The following GRK5 variants were observed in gnomAD, a reference collection of about 807,000 sequenced individuals.
GRK5 encodes the protein G protein-coupled receptor kinase 5.
In GRK5, 40 loss-of-function variants were observed where a neutral mutation model predicts 78.4. The observed-to-expected ratio is 0.51, with a 90% confidence interval of 0.40 to 0.66. The LOEUF (loss-of-function observed/expected upper bound fraction) is 0.66. Ranked by LOEUF, GRK5 falls within the 30% of genes least tolerant of loss-of-function variation. GRK5 has a pLI of 0.00. For missense variants in GRK5, 598 were observed against 759.9 expected, an observed-to-expected ratio of 0.79 and a Z score of 2.50; for synonymous variants, 289 against 296.8, an observed-to-expected ratio of 0.97 and a Z score of 0.27.
rs869142758 is a variant in GRK5 at position 119,420,349 on chromosome 10, C to CA, written c.340-2814dup. 8.2e-4 allele frequency among the ~76,000 whole-genome samples: 42 copies of CA among 51,060 alleles called. 1 individual carries two copies. In the South Asian group the frequency reaches 0.026, roughly 31 times the overall value. The allele number at this position is 51,060 out of a possible 152,430, so 33.5% of individuals were successfully genotyped here. On this transcript the variant is annotated intron_variant, in intron 4 of 15. Coordinates refer to ENST00000392870, the MANE Select transcript of GRK5 (RefSeq NM_005308.3). ...AAAGTTTGCTACTAAAACAAACAAA[C>CA]AAACAAAAAAAAAAAACAAGAAGAA...
chr10:119,388,481 T>A (rs7895478), intron 3 of GRK5, among the ~76,000 whole-genome samples: 2,546 of 152,184 alleles, frequency 0.017, 32 homozygotes, highest in Middle Eastern at 0.031. Context: ...GGATTACAGG[T>A]GTGCGCCACT....
At chr10:119,353,515 G>C (rs867604700) in intron 2 of GRK5, among the ~76,000 whole-genome samples, 10 of 152,192 alleles carry the variant, frequency 6.6e-5, no homozygotes, top group Middle Eastern at 3.2e-3. Context: ...TAGACATTCT[G>C]TTCTTGAAAT....
In GRK5 at chr10:119,430,505, A is replaced by C. The variant is rs1852793846; in HGVS notation, c.597+67A>C. The C allele has an allele frequency of 1.4e-6, 2 of 1,476,944 alleles. 1 individual carries two copies. Among genetic ancestry groups the C allele is most frequent in the South Asian group, 2.3e-5 (2 of 86,276 alleles). 91.5% of individuals were successfully genotyped at this position (1,476,944 alleles called of 1,614,324 possible). ...CAAGTCACCTTTCCTGTCCCTTCTA[A>C]ATCAACCTAAAGGGTTGGCCCACGG... On this transcript the variant is annotated intron_variant, in intron 7 of 15. Coordinates refer to ENST00000392870, the MANE Select transcript of GRK5 (RefSeq NM_005308.3). This position sits in a 1 kb window ranked among gnomAD's most constrained non-coding sequence, Gnocchi z 4.5.
chr10:119,368,585 T>C (rs1851490737), intron 2 of GRK5, among the ~76,000 whole-genome samples: 1 of 152,130 alleles, frequency 6.6e-6, no homozygotes, highest in South Asian at 2.1e-4. Flanking sequence ...GAAACCAAGG[T>C]CCAGAGAGAA....
chr10:119,216,171 C>A (rs754126428), intron 1 of GRK5, among the ~76,000 whole-genome samples: 4 of 152,230 alleles, frequency 2.6e-5, no homozygotes, highest in Non-Finnish European at 2.9e-5. Context: ...GTCTATCTGA[C>A]GTACCAGAGT....
At chr10:119,389,801 AACACACACACAC>A (rs66652162) in intron 3 of GRK5, among the ~76,000 whole-genome samples, 80,846 of 149,662 alleles carry the variant, frequency 0.54, 22,833 homozygotes, top group Middle Eastern at 0.76. Flanking sequence ...GATCATGAGC[AACACACACACAC>A]ACACACACAC....
At chr10:119,250,035 G>C (rs1337488607) in intron 1 of GRK5, among the ~76,000 whole-genome samples, 3 of 152,170 alleles carry the variant, frequency 2.0e-5, no homozygotes, top group Non-Finnish European at 1.5e-5. Flanking sequence ...CTAGGGCTTA[G>C]AAAAGAACAC....
intron 1 of GRK5, among the ~76,000 whole-genome samples, chr10:119,315,814 G>A (rs908237420): frequency 1.3e-5 from 2 of 152,186 alleles, no homozygotes; most frequent in Admixed American, 6.5e-5. Flanking sequence ...CGACACCTGA[G>A]ACCCTCCCAG....
Position 119,320,242 on chromosome 10 carries a change from A to G in GRK5, c.53-6274A>G, listed in dbSNP as rs532639324. On this transcript the variant is annotated intron_variant, in intron 1 of 15. Coordinates refer to ENST00000392870, the MANE Select transcript of GRK5 (RefSeq NM_005308.3). ...CTCAGCAGATACTGTTTGGGCTTCT[A>G]CAGTGGACCAAGAAGAAGGTGACAG... Among the ~76,000 whole-genome samples, 21 of 152,352 alleles carry G rather than the reference A, an allele frequency of 1.4e-4. No individual in the cohort carries two copies. The South Asian group carries it at 4.1e-3, about 30-fold the overall frequency.
In GRK5 at chr10:119,451,513, C is replaced by T. The variant is rs149733289; in HGVS notation, c.1405-1158C>T. Among the ~76,000 whole-genome samples, 9 of 152,272 alleles carry T rather than the reference C, an allele frequency of 5.9e-5. No individual in the cohort carries two copies. In the South Asian group the frequency reaches 1.2e-3, roughly 21 times the overall value. ...TTCTAAATGTGGAACATGGACCCTGCGTTTTCATTCTGCGCTGAGCATGTG... is the reference window on the plus strand; with the variant it reads ...TTCTAAATGTGGAACATGGACCCTGTGTTTTCATTCTGCGCTGAGCATGTG... On this transcript the variant is annotated intron_variant, in intron 13 of 15. Transcript: ENST00000392870.
chr10:119,271,308 A>G lies in GRK5; in HGVS notation c.53-55208A>G, dbSNP rs1019877135. Among the ~76,000 whole-genome samples the G allele has an allele frequency of 1.3e-5, 2 of 152,216 alleles. No individual in the cohort carries two copies. The highest frequency in any genetic ancestry group is 4.8e-5 in the African/African-American group (2 of 41,452). On this transcript the variant is annotated intron_variant, in intron 1 of 15. Transcript: ENST00000392870. The surrounding 1 kb of genome is among the most constrained non-coding windows in gnomAD (Gnocchi z 4.1). The stretch of plus-strand genomic sequence containing the variant: ...TCTCATCCCCTCGAGCTGCCAACAC[A>G]ATCAAGGGTCTGCAGGTTTGGGAAC...
At chr10:119,421,779 G>A (rs1202849642) in intron 4 of GRK5, among the ~76,000 whole-genome samples, 1 of 152,222 alleles carries the variant, frequency 6.6e-6, no homozygotes, top group Non-Finnish European at 1.5e-5. Context: ...TGGCTCAGCT[G>A]GGAGACCCTG....
chr10:119,425,543 G>A (rs988095058), intron 6 of GRK5, among the ~76,000 whole-genome samples: 4 of 152,142 alleles, frequency 2.6e-5, no homozygotes, highest in African/African-American at 7.2e-5. Flanking sequence ...GAAATTCCTA[G>A]CAGAGGAATT....
chr10:119,385,378 C>T (rs935996249), intron 3 of GRK5, among the ~76,000 whole-genome samples: 1 of 152,134 alleles, frequency 6.6e-6, no homozygotes, highest in Non-Finnish European at 1.5e-5. Context: ...GATCTTCCTA[C>T]CTTGGCCTCC....
intron 1 of GRK5, among the ~76,000 whole-genome samples, chr10:119,299,452 T>C (rs1212411572): frequency 1.3e-5 from 2 of 151,182 alleles, no homozygotes; most frequent in Non-Finnish European, 2.9e-5. Flanking sequence ...AAAAAAGTTA[T>C]CTTTCATACC....
At chr10:119,437,784 C>T (rs1005624949) in intron 9 of GRK5, among the ~76,000 whole-genome samples, 15 of 152,128 alleles carry the variant, frequency 9.9e-5, no homozygotes, top group African/African-American at 3.4e-4. Context: ...TCTCCTTGAC[C>T]GTAAGTCTCT....
intron 1 of GRK5, among the ~76,000 whole-genome samples, chr10:119,240,270 C>G (rs1053383092): frequency 6.9e-6 from 1 of 145,964 alleles, no homozygotes; most frequent in Admixed American, 7.1e-5. Context: ...GCAGGATCTC[C>G]GCTCACTGCA....
chr10:119,215,891 C>T (rs532752509), intron 1 of GRK5, among the ~76,000 whole-genome samples: 1 of 152,214 alleles, frequency 6.6e-6, no homozygotes, highest in African/African-American at 2.4e-5. Context: ...CCTCCACAGG[C>T]AGGTGATCTA....
chr10:119,367,826 T>C (rs993859663), intron 2 of GRK5, among the ~76,000 whole-genome samples: 16 of 152,348 alleles, frequency 1.1e-4, no homozygotes, highest in Admixed American at 4.6e-4. Flanking sequence ...CTTGGGACCC[T>C]GAGACATCAG....
Sources: allele counts gnomAD v4.1 joint callset (sites outside exome capture counted in the v4.1 genomes callset), GRCh38; gene constraint gnomAD v4.1.1; non-coding constraint Gnocchi (gnomAD v3.1); transcripts MANE v1.5; gene names NCBI Gene and HGNC (gene_info 2026-07-23, HGNC 2026-07-21).